Variants in ODF2 observed in about 807,000 individuals in gnomAD.
The protein encoded by ODF2 is outer dense fiber of sperm tails 2.
In ODF2, 47 loss-of-function variants were observed where a neutral mutation model predicts 110.2. The ratio of observed to expected loss-of-function variants is 0.43; its 90% CI spans 0.34 to 0.54. ODF2 has a LOEUF of 0.54. Among genes scored for constraint, ODF2 ranks in the 20% least tolerant of loss-of-function variants. The pLI is 0.03. For missense variants in ODF2, 812 were observed against 1,054.5 expected (o/e 0.77, Z 3.19); for synonymous variants, 352 against 397.7 (o/e 0.89, Z 1.37).
intron 6 of ODF2, 25 bp downstream of exon 6, chr9:128,471,493 C>T (rs767654153): frequency 2.4e-5 from 39 of 1,605,202 alleles, no homozygotes; most frequent in Non-Finnish European, 3.1e-5. Context: ...GCTCTGTCCC[C>T]GCTGATCTAT....
chr9:128,456,963 C>G, intron 1 of ODF2: 1 of 1,240,266 alleles, frequency 8.1e-7, no homozygotes, highest in Non-Finnish European at 1.0e-6. Flanking sequence ...CCAGCATCCC[C>G]GCGGCTCCCT....
At chr9:128,493,349 C>T (rs79697158) in intron 16 of ODF2, among the ~76,000 whole-genome samples, 3 of 152,154 alleles carry the variant, frequency 2.0e-5, no homozygotes, top group South Asian at 2.1e-4. Context: ...TGTGCCACTA[C>T]GCTCTAGCCT....
intron 8 of ODF2, among the ~76,000 whole-genome samples, chr9:128,478,107 C>T (rs1841703747): frequency 6.6e-6 from 1 of 152,172 alleles, no homozygotes; most frequent in African/African-American, 2.4e-5. Flanking sequence ...AGCGATTCTC[C>T]TGCCTCAACT....
At chr9:128,488,062 G>T (rs1450630585) in intron 14 of ODF2, 37 bp downstream of exon 14, 1 of 1,611,524 alleles carries the variant, frequency 6.2e-7, no homozygotes, top group African/African-American at 1.3e-5. Context: ...CAGCTGGATG[G>T]GGCCCAGCGA....
chr9:128,469,215 A>G (rs758538108), exon 5 of ODF2: 6 of 1,614,078 alleles, frequency 3.7e-6, no homozygotes, highest in Non-Finnish European at 5.1e-6. Context: ...TCACGCCACC[A>G]TCTTCAGAAA....
chr9:128,474,548 C>T (rs1314779985), intron 8 of ODF2, among the ~76,000 whole-genome samples: 1 of 152,028 alleles, frequency 6.6e-6, no homozygotes, highest in Admixed American at 6.6e-5. Flanking sequence ...GTAATCTCAG[C>T]TCCTCAGGAG....
At chr9:128,496,520 C>G (rs1404311174) in intron 18 of ODF2, among the ~76,000 whole-genome samples, 2 of 152,220 alleles carry the variant, frequency 1.3e-5, no homozygotes, top group African/African-American at 4.8e-5. Context: ...TTCCCAAGAC[C>G]TTTCTGATCT....
At chr9:128,478,250 G>A (rs966136847) in intron 8 of ODF2, among the ~76,000 whole-genome samples, 1 of 152,114 alleles carries the variant, frequency 6.6e-6, no homozygotes, top group Non-Finnish European at 1.5e-5. Flanking sequence ...TGTCTGCCTC[G>A]GCTTCTGAAA....
At position 128,489,521 on chromosome 9, in the gene ODF2, G is replaced by A. The variant is rs190919711; in HGVS notation, c.1536+1496G>A. 6.4e-4 allele frequency among the ~76,000 whole-genome samples: 98 copies of A among 152,274 alleles called. No individual in the cohort carries two copies. In the East Asian group the frequency reaches 0.013, roughly 20 times the overall value. On this transcript the variant is annotated intron_variant, in intron 14 of 20. Transcript: ENST00000604420. ...GAATAGTTTGAATATCCCTGGGCCTGGCGTCTACTCTGCAAGTTTGTTGAG... is the reference window on the plus strand; with the variant it reads ...GAATAGTTTGAATATCCCTGGGCCTAGCGTCTACTCTGCAAGTTTGTTGAG...
At chr9:128,498,332 G>T (rs1430109464) in intron 18 of ODF2, 81 bp from the exon 19 acceptor site, 1 of 1,432,076 alleles carries the variant, frequency 7.0e-7, no homozygotes, top group African/African-American at 1.4e-5. Context: ...CCCCAGTCCA[G>T]GAGAGGCTGG....
chr9:128,481,754 C>A, intron 9 of ODF2, 103 bp downstream of exon 9: 2 of 853,616 alleles, frequency 2.3e-6, no homozygotes, highest in Non-Finnish European at 1.9e-6. Context: ...AGGGCTGGAG[C>A]ATTTCGCTAG....
chr9:128,461,110 G>A (rs771337377), intron 4 of ODF2, 43 bp downstream of exon 4: 6 of 1,598,924 alleles, frequency 3.8e-6, no homozygotes, highest in Non-Finnish European at 5.1e-6. Context: ...GGACTGCTCA[G>A]ATCCTAGCAG....
chr9:128,476,076 G>A (rs997218147), intron 8 of ODF2, among the ~76,000 whole-genome samples: 2 of 82,878 alleles, frequency 2.4e-5, no homozygotes, highest in African/African-American at 5.5e-5. Flanking sequence ...AGGCTCAGTA[G>A]TATTCCATTG....
At chr9:128,457,190 T>C (rs1428156773) in intron 1 of ODF2, 1 of 1,434,172 alleles carries the variant, frequency 7.0e-7, no homozygotes, top group Non-Finnish European at 9.3e-7. Context: ...TTCCCCCTAC[T>C]TTGGCAGGAC....
exon 7 of ODF2, chr9:128,472,997 C>G (rs1169736117): frequency 1.2e-6 from 2 of 1,614,080 alleles, no homozygotes; most frequent in East Asian, 2.2e-5. Flanking sequence ...CTGCGGCTGC[C>G]AAGCAGGTCA....
chr9:128,456,663 C>T (rs1588661764), intron 1 of ODF2: 1 of 1,459,250 alleles, frequency 6.9e-7, no homozygotes. Flanking sequence ...GCCTCGTCCT[C>T]TCCTCGGGCC....
At chr9:128,487,827 AC>A (rs2132115517) in intron 13 of ODF2, 62 bp from the exon 14 acceptor site, 3 of 1,582,448 alleles carry the variant, frequency 1.9e-6, no homozygotes, top group Non-Finnish European at 2.6e-6. Flanking sequence ...ACACACACAC[AC>A]ACACACAAAC....
At chr9:128,492,578 C>A in intron 15 of ODF2, 42 bp downstream of exon 15, 1 of 1,534,634 alleles carries the variant, frequency 6.5e-7, no homozygotes, top group Non-Finnish European at 9.0e-7. Context: ...GCAGTGCCCT[C>A]CCTGCCCCCA....
intron 18 of ODF2, among the ~76,000 whole-genome samples, chr9:128,497,314 G>A (rs1337694440): frequency 2.0e-5 from 3 of 149,336 alleles, no homozygotes; most frequent in Admixed American, 1.3e-4. Context: ...GAGGCCGGGC[G>A]TGGTGTCTCA....
Sources: allele counts gnomAD v4.1 joint callset (sites outside exome capture counted in the v4.1 genomes callset), GRCh38; gene constraint gnomAD v4.1.1; transcripts MANE v1.5; gene names NCBI Gene and HGNC (gene_info 2026-07-23, HGNC 2026-07-21).